The following CHST12 variants were observed in gnomAD, a reference collection of about 807,000 sequenced individuals.
CHST12 encodes carbohydrate sulfotransferase 12, also known as carbohydrate (chondroitin 4) sulfotransferase 12.
CHST12 carries 23 observed loss-of-function variants against 27.9 expected under a neutral mutation model. That is an observed-to-expected ratio of 0.82 (90% CI 0.59 to 1.17). The LOEUF is 1.17. Among genes scored for constraint, CHST12 ranks in the 50% most tolerant of loss-of-function variants. CHST12 has a pLI of 0.00. For synonymous variants in CHST12, 322 were observed against 273.0 expected, an observed-to-expected ratio of 1.18 and a Z score of -1.77; for missense variants, 682 against 603.0, an observed-to-expected ratio of 1.13 and a Z score of -1.37.
chr7:2,423,019 T>A (rs2115418973), intron 1 of CHST12, among the ~76,000 whole-genome samples: 1 of 152,154 alleles, frequency 6.6e-6, no homozygotes, highest in South Asian at 2.1e-4. Context: ...CTCACGCCTG[T>A]CATTCCAGCA....
In CHST12 at chr7:2,443,772, A is replaced by G. The variant is rs576429187; in HGVS notation, c.*9888A>G. The G allele has an allele frequency of 6.6e-6, 1 of 152,282 alleles. No individual in the cohort carries two copies. Among genetic ancestry groups the G allele is most frequent in the South Asian group, 2.1e-4 (1 of 4,822 alleles). 9.4% of individuals were successfully genotyped at this position (152,282 alleles called of 1,614,324 possible). ...GTATGCTGAGGGAGACACTGTTCTC[A>G]AACTCCAGGCCAGGGTGGTTTCCGG... On this transcript the variant is annotated 3_prime_UTR_variant, in exon 2 of 2. Coordinates refer to ENST00000618655, the MANE Select transcript of CHST12 (RefSeq NM_018641.5).
At chr7:2,428,336 A>C (rs1358747249) in intron 1 of CHST12, among the ~76,000 whole-genome samples, 1 of 151,982 alleles carries the variant, frequency 6.6e-6, no homozygotes, top group East Asian at 1.9e-4. Context: ...CTGGGATTAC[A>C]GGCGTCCACC....
Position 2,434,112 on chromosome 7 carries a change from A to ACCCGCCCGCCCGCTCG in CHST12, c.*234_*249dup, listed in dbSNP as rs1209388507. The ACCCGCCCGCCCGCTCG allele has an allele frequency of 3.1e-4, 106 of 346,830 alleles. No individual in the cohort carries two copies. Among genetic ancestry groups the ACCCGCCCGCCCGCTCG allele is most frequent in the Admixed American group, 1.2e-3 (25 of 20,184 alleles). 21.5% of individuals were successfully genotyped at this position (346,830 alleles called of 1,614,324 possible). A position where few individuals can be genotyped will look rare whatever the true frequency, so the allele number is the denominator to read the frequency against. On this transcript the variant is annotated 3_prime_UTR_variant, in exon 2 of 2. Transcript: ENST00000618655. ...TATCCCCTCTCCCCTCCGCCCGCCC[A>ACCCGCCCGCCCGCTCG]CCCGCCCGCCCGCTCGCCCGCTCGC...
chr7:2,412,753 G>GC (rs1207111239), intron 1 of CHST12, among the ~76,000 whole-genome samples: 1 of 152,192 alleles, frequency 6.6e-6, no homozygotes, highest in African/African-American at 2.4e-5. Context: ...GTAGACTTGT[G>GC]CAAGTCTGTA....
In CHST12 at chr7:2,434,090, C is replaced by T. The variant is rs1002231342; in HGVS notation, c.*206C>T. The T allele has an allele frequency of 1.8e-5, 8 of 455,158 alleles. No homozygotes were observed. Among genetic ancestry groups the T allele is most frequent in the Non-Finnish European group, 3.2e-5 (8 of 253,672 alleles). 28.2% of individuals were successfully genotyped at this position (455,158 alleles called of 1,614,324 possible). ...GGAAGGGAATGCTGGAGTAAAATATCCCCTCTCCCCTCCGCCCGCCCACCC... is the reference window on the plus strand; with the variant it reads ...GGAAGGGAATGCTGGAGTAAAATATTCCCTCTCCCCTCCGCCCGCCCACCC... On this transcript the variant is annotated 3_prime_UTR_variant, in exon 2 of 2. Coordinates refer to ENST00000618655, the MANE Select transcript of CHST12 (RefSeq NM_018641.5).
At chr7:2,431,986 C>T (rs1583225266) in intron 1 of CHST12, among the ~76,000 whole-genome samples, 1 of 151,688 alleles carries the variant, frequency 6.6e-6, no homozygotes, top group African/African-American at 2.4e-5. Context: ...CACAGTTATT[C>T]TTGTGGCTAT....
intron 1 of CHST12, among the ~76,000 whole-genome samples, chr7:2,422,249 CTTT>C (rs1249680114): frequency 6.9e-6 from 1 of 145,818 alleles, no homozygotes; most frequent in Non-Finnish European, 1.5e-5. Context: ...CTTTTTCTTT[CTTT>C]TTTTTTTTTG....
In CHST12 at chr7:2,428,403, C is replaced by T. The variant is rs140611581; in HGVS notation, c.-77-4160C>T. On this transcript the variant is annotated intron_variant, in intron 1 of 1. Coordinates refer to ENST00000618655, the MANE Select transcript of CHST12 (RefSeq NM_018641.5). The stretch of plus-strand genomic sequence containing the variant: ...GTAGAGACGGTATTGTGGGATCTGG[C>T]CAGAAGCCCACAATGCAACGGGGCT... Among the ~76,000 whole-genome samples, 609 of 152,100 alleles carry T rather than the reference C, an allele frequency of 4.0e-3. 7 individuals carry two copies. Among genetic ancestry groups the T allele is most frequent in the African/African-American group, 0.014 (577 of 41,494 alleles).
rs17132381 is a variant in CHST12 at position 2,410,815 on chromosome 7, G to A, written c.-78+7142G>A. On this transcript the variant is annotated intron_variant, in intron 1 of 1. Transcript: ENST00000618655. ...GGGACTGTGATAGAAGAGGAGATCA[G>A]TGGAGTCCTGGTCACGGGCCATCAG... 9.0e-3 allele frequency among the ~76,000 whole-genome samples: 1,370 copies of A among 152,230 alleles called. 22 individuals are homozygous for A. Among genetic ancestry groups the A allele is most frequent in the African/African-American group, 0.031 (1,301 of 41,538 alleles).
At chr7:2,432,118 G>T (rs543600787) in intron 1 of CHST12, among the ~76,000 whole-genome samples, 1 of 128,038 alleles carries the variant, frequency 7.8e-6, no homozygotes, top group Non-Finnish European at 1.6e-5. Flanking sequence ...CTCCAGCCTG[G>T]GCGACAGAGC....
chr7:2,433,026 G>A lies in CHST12; in HGVS notation c.387G>A (p.Arg129=). Residue 129 remains arginine, a synonymous_variant, in exon 2 of 2, where the codon CGG becomes CGA. Transcript: ENST00000618655. The surrounding 1 kb of genome is among the most constrained non-coding windows in gnomAD (Gnocchi z 6.1). ...AGGCGGAGCGGAGGAGCGTGCTGCG[G>A]GGCTTCTGCGCCAACTCCAGCCTGG... ...RQQAERRSVL[R]GFCANSSLAF... is the part of the protein sequence containing the mutation. The A allele has an allele frequency of 6.2e-7, 1 of 1,611,284 alleles. No individual in the cohort carries two copies. The highest frequency in any genetic ancestry group is 1.3e-5 in the African/African-American group (1 of 75,042).
Position 2,440,627 on chromosome 7 carries a change from A to T in CHST12, c.*6743A>T, listed in dbSNP as rs1292030013. 1.3e-5 allele frequency: 2 copies of T among 152,150 alleles called. No individual in the cohort carries two copies. Among genetic ancestry groups the T allele is most frequent in the African/African-American group, 4.8e-5 (2 of 41,430 alleles). 9.4% of individuals were successfully genotyped at this position (152,150 alleles called of 1,614,324 possible). A position where few individuals can be genotyped will look rare whatever the true frequency, so the allele number is the denominator to read the frequency against. ...GGCCAGCCCGAGGTACCCACAGTGG[A>T]GGGTCTACAGGCTGATTTGGGAGGT... On this transcript the variant is annotated 3_prime_UTR_variant, in exon 2 of 2. Coordinates refer to ENST00000618655, the MANE Select transcript of CHST12 (RefSeq NM_018641.5).
rs529176252 is a variant in CHST12, at chr7:2,440,527, G to C, written c.*6643G>C. ...AGACTTTCCTGGGATGATGGGAACT[G>C]GGCACCCCAGATGAGGCTCGGTTGT... On this transcript the variant is annotated 3_prime_UTR_variant, in exon 2 of 2. Transcript: ENST00000618655. The C allele has an allele frequency of 6.6e-6, 1 of 152,556 alleles. No homozygotes were observed. The highest frequency in any genetic ancestry group is 2.1e-4 in the South Asian group (1 of 4,832). The allele number at this position is 152,556 out of a possible 1,614,324, so 9.5% of individuals were successfully genotyped here. A position where few individuals can be genotyped will look rare whatever the true frequency, so the allele number is the denominator to read the frequency against.
intron 1 of CHST12, among the ~76,000 whole-genome samples, chr7:2,431,246 T>A (rs1446320613): frequency 6.6e-6 from 1 of 152,226 alleles, no homozygotes; most frequent in Non-Finnish European, 1.5e-5. Flanking sequence ...GTAATGTCCT[T>A]TTGTCTCTAG....
At position 2,433,214 on chromosome 7, in the gene CHST12, G is replaced by A. The variant is rs1387571526; in HGVS notation, c.575G>A (p.Arg192His). 4.3e-6 allele frequency: 7 copies of A among 1,612,582 alleles called. No individual in the cohort carries two copies. Among genetic ancestry groups the A allele is most frequent in the Admixed American group, 1.7e-5 (1 of 59,994 alleles). ...GTGCTGAGCGGAAGCCTGCTGCACCGCGGTGCGCCCTACCGCGACCCGCTG... is the reference window on the plus strand; with the variant it reads ...GTGCTGAGCGGAAGCCTGCTGCACCACGGTGCGCCCTACCGCGACCCGCTG... Reference protein sequence around the residue: ...MIVLSGSLLHRGAPYRDPLRI... With the variant: ...MIVLSGSLLHHGAPYRDPLRI... The change falls in exon 2 of 2, where the codon CGC becomes CAC. Residue 192 changes from arginine (R) to histidine (H), a missense_variant. Physicochemically the swap from Arg to His is conservative, Grantham distance 29. Transcript: ENST00000618655. The surrounding 1 kb of genome is among the most constrained non-coding windows in gnomAD (Gnocchi z 6.1).
Position 2,447,557 on chromosome 7 carries a change from C to T in CHST12, c.*13673C>T, listed in dbSNP as rs1172263935. ...GCACAATCTTAGCTCACTGCAACCT[C>T]CACCTCCCAGGTTCAAGCGATTTTC... On this transcript the variant is annotated 3_prime_UTR_variant, in exon 2 of 2. Coordinates refer to ENST00000618655, the MANE Select transcript of CHST12 (RefSeq NM_018641.5). The T allele has an allele frequency of 6.6e-6, 1 of 151,938 alleles. No individual in the cohort carries two copies. Among genetic ancestry groups the T allele is most frequent in the African/African-American group, 2.4e-5 (1 of 41,342 alleles). The allele number at this position is 151,938 out of a possible 1,614,324, so 9.4% of individuals were successfully genotyped here.
chr7:2,435,032 A>G lies in CHST12; in HGVS notation c.*1148A>G, dbSNP rs1292429255. ...GGAGTTCAAGATCAGTTTGGACCAC[A>G]TAGCGAGACCCTGTGTCTACAAAAA... On this transcript the variant is annotated 3_prime_UTR_variant, in exon 2 of 2. Coordinates refer to ENST00000618655, the MANE Select transcript of CHST12 (RefSeq NM_018641.5). 1 of 152,216 alleles carries G rather than the reference A, an allele frequency of 6.6e-6. No homozygotes were observed. Among genetic ancestry groups the G allele is most frequent in the South Asian group, 2.1e-4 (1 of 4,830 alleles). The allele number at this position is 152,216 out of a possible 1,614,324, so 9.4% of individuals were successfully genotyped here.
rs1782657906 is a variant in CHST12, at chr7:2,443,032, C to T, written c.*9148C>T. On this transcript the variant is annotated 3_prime_UTR_variant, in exon 2 of 2. Coordinates refer to ENST00000618655, the MANE Select transcript of CHST12 (RefSeq NM_018641.5). Reference sequence around the variant, plus strand: ...TGCTTCCTGGGTTCAAGTGGTTCTCCTGCCTCAGCCTCCCAAGTAGCTGGG... The same window carrying T: ...TGCTTCCTGGGTTCAAGTGGTTCTCTTGCCTCAGCCTCCCAAGTAGCTGGG... The T allele has an allele frequency of 1.3e-5, 2 of 152,138 alleles. No individual in the cohort carries two copies. The highest frequency in any genetic ancestry group is 4.8e-5 in the African/African-American group (2 of 41,418). 9.4% of individuals were successfully genotyped at this position (152,138 alleles called of 1,614,324 possible).
rs1373363455 is a variant in CHST12 at position 2,438,566 on chromosome 7, T to A, written c.*4682T>A. On this transcript the variant is annotated 3_prime_UTR_variant, in exon 2 of 2. Transcript: ENST00000618655. ...CAGGGGTAATTTTTGCTCACTTATT[T>A]ATAAGCCACACATCCTCTTCTATCC... 6.6e-6 allele frequency: 1 copy of A among 152,234 alleles called. No homozygotes were observed. Among genetic ancestry groups the A allele is most frequent in the Non-Finnish European group, 1.5e-5 (1 of 68,036 alleles). 9.4% of individuals were successfully genotyped at this position (152,234 alleles called of 1,614,324 possible).
Sources: allele counts gnomAD v4.1 joint callset (sites outside exome capture counted in the v4.1 genomes callset), GRCh38; gene constraint gnomAD v4.1.1; non-coding constraint Gnocchi (gnomAD v3.1); transcripts MANE v1.5; gene names NCBI Gene and HGNC (gene_info 2026-07-23, HGNC 2026-07-21).